AOPEP: variants seen among roughly 807,000 people sequenced by gnomAD.
AOPEP encodes aminopeptidase O.
In AOPEP, 77 loss-of-function variants were observed where a neutral mutation model predicts 98.1. The ratio of observed to expected loss-of-function variants is 0.78; its 90% CI spans 0.65 to 0.95. The LOEUF (loss-of-function observed/expected upper bound fraction) is 0.95. AOPEP is among the 40% of genes least tolerant of loss of function. The pLI, the probability that AOPEP is intolerant of heterozygous loss-of-function variation, is 0.00. For synonymous variants in AOPEP, 346 were observed against 365.3 expected, an observed-to-expected ratio of 0.95 and a Z score of 0.60; for missense variants, 1,024 against 1,024.7, an observed-to-expected ratio of 1.00 and a Z score of 0.01.
At chr9:94,859,738 T>G (rs983359639) in intron 5 of AOPEP, among the ~76,000 whole-genome samples, 1 of 152,250 alleles carries the variant, frequency 6.6e-6, no homozygotes, top group African/African-American at 2.4e-5. Flanking sequence ...TCAGCTAACC[T>G]GTGTTGGAAT....
chr9:94,856,874 G>A (rs148129723), intron 5 of AOPEP, among the ~76,000 whole-genome samples: 2 of 152,278 alleles, frequency 1.3e-5, no homozygotes, highest in African/African-American at 2.4e-5. Flanking sequence ...CAAAGAGTTC[G>A]CTCATGGCCC....
chr9:94,737,912 G>C (rs547409795), intron 1 of AOPEP, among the ~76,000 whole-genome samples: 4 of 152,162 alleles, frequency 2.6e-5, no homozygotes, highest in Non-Finnish European at 5.9e-5. Flanking sequence ...TGCCATTTTT[G>C]ATCTAGGCTT....
At chr9:95,136,455 G>A in the AOPEP span, among the ~76,000 whole-genome samples, 1 of 151,770 alleles carries the variant, frequency 6.6e-6, no homozygotes, top group Admixed American at 6.6e-5. Context: ...GTGTGATACT[G>A]GATAGGTTAG....
chr9:94,996,788 G>A (rs2061273029), intron 11 of AOPEP, among the ~76,000 whole-genome samples: 1 of 152,190 alleles, frequency 6.6e-6, no homozygotes, highest in African/African-American at 2.4e-5. Flanking sequence ...AGCAATATAT[G>A]TGTGTGTGTT....
chr9:95,093,843 C>T, the AOPEP span, among the ~76,000 whole-genome samples: 2 of 152,198 alleles, frequency 1.3e-5, no homozygotes, highest in Non-Finnish European at 2.9e-5. Flanking sequence ...CTGGGGGCTT[C>T]GTTCAAGTCC....
intron 5 of AOPEP, among the ~76,000 whole-genome samples, chr9:94,885,284 G>A: frequency 7.5e-6 from 1 of 133,426 alleles, no homozygotes; most frequent in South Asian, 2.6e-4. Context: ...GGGAAGTTGA[G>A]GCTATAGTGA....
chr9:94,756,110 A>G (rs1326783499), intron 1 of AOPEP, among the ~76,000 whole-genome samples: 15 of 151,998 alleles, frequency 9.9e-5, no homozygotes, highest in Admixed American at 9.2e-4. Flanking sequence ...ATACAAAAAA[A>G]TTAGCCGGGT....
chr9:94,934,315 C>CTTTTTTTTTTTTTTTTTTTT lies in AOPEP; in HGVS notation c.1661+5803_1661+5804insTTTTTTTTTTTTTTTTTTTT, dbSNP rs974551445. On this transcript the variant is annotated intron_variant, in intron 7 of 16. Transcript: ENST00000375315. ...CTGACTATGCTCACACTTCTCCCAT[C>CTTTTTTTTTTTTTTTTTTTT]TTTTTTTTTTTTTTTTTTTGAGACA... Among the ~76,000 whole-genome samples the CTTTTTTTTTTTTTTTTTTTT allele has an allele frequency of 7.7e-5, 9 of 116,740 alleles. 1 individual carries two copies. The highest frequency in any genetic ancestry group is 3.6e-4 in the African/African-American group (9 of 25,182). The allele number at this position is 116,740 out of a possible 152,430, so 76.6% of individuals were successfully genotyped here. A position where few individuals can be genotyped will look rare whatever the true frequency, so the allele number is the denominator to read the frequency against.
intron 1 of AOPEP, among the ~76,000 whole-genome samples, chr9:94,756,827 TCTTA>T (rs1837167248): frequency 6.6e-6 from 1 of 152,040 alleles, no homozygotes; most frequent in South Asian, 2.1e-4. Context: ...AGGCCTTAAG[TCTTA>T]CCTGAGGGAG....
chr9:94,746,197 T>C (rs1177297117), intron 1 of AOPEP, among the ~76,000 whole-genome samples: 2 of 152,222 alleles, frequency 1.3e-5, no homozygotes, highest in Non-Finnish European at 2.9e-5. Context: ...GCCTTTGCTA[T>C]GGTAGGTAGT....
chr9:94,758,483 A>G (rs1290525562), intron 1 of AOPEP, among the ~76,000 whole-genome samples: 3 of 152,230 alleles, frequency 2.0e-5, no homozygotes, highest in Non-Finnish European at 4.4e-5. Context: ...AGGAAAGGAA[A>G]TAAAAGGGTC....
At chr9:95,147,507 ACT>A in the AOPEP span, among the ~76,000 whole-genome samples, 1 of 152,120 alleles carries the variant, frequency 6.6e-6, no homozygotes, top group Non-Finnish European at 1.5e-5. Context: ...CAAGAGTGAA[ACT>A]CTGTCTCAAA....
At chr9:94,954,934 G>A (rs1488363026) in intron 7 of AOPEP, among the ~76,000 whole-genome samples, 1 of 152,146 alleles carries the variant, frequency 6.6e-6, no homozygotes, top group Non-Finnish European at 1.5e-5. Context: ...TGAGGGTCTG[G>A]CAGACTTTAA....
chr9:95,001,276 G>A (rs773187474), intron 11 of AOPEP, among the ~76,000 whole-genome samples: 2 of 152,196 alleles, frequency 1.3e-5, no homozygotes, highest in African/African-American at 2.4e-5. Context: ...TAAAGCAATG[G>A]TATTTTCCTC....
intron 11 of AOPEP, among the ~76,000 whole-genome samples, chr9:94,987,511 A>G (rs1450645311): frequency 3.9e-5 from 6 of 152,218 alleles, no homozygotes; most frequent in South Asian, 4.1e-4. Context: ...TTCAGCGGGT[A>G]GCATCCCAGC....
At chr9:94,933,392 G>T in intron 7 of AOPEP, 2 of 985,422 alleles carry the variant, frequency 2.0e-6, no homozygotes, top group Non-Finnish European at 2.4e-6. Flanking sequence ...GATTTATTAT[G>T]ACTTCTCTTT....
At chr9:95,008,273 C>T (rs2062191098) in intron 13 of AOPEP, among the ~76,000 whole-genome samples, 1 of 152,140 alleles carries the variant, frequency 6.6e-6, no homozygotes, top group South Asian at 2.1e-4. Context: ...TGAGTAAATT[C>T]GGTGAAGTCA....
chr9:94,943,982 A>G (rs1045842379), intron 7 of AOPEP, among the ~76,000 whole-genome samples: 2 of 152,108 alleles, frequency 1.3e-5, no homozygotes, highest in African/African-American at 4.8e-5. Context: ...TCCAAAGAAA[A>G]TATGCAGATG....
intron 2 of AOPEP, 94 bp downstream of exon 2, chr9:94,760,674 C>T (rs1386925096): frequency 1.3e-5 from 13 of 1,021,222 alleles, no homozygotes; most frequent in African/African-American, 4.8e-5. Context: ...CAGAGATGCT[C>T]CTGTGTCTTC....
Sources: gnomAD v4.1 joint callset for allele counts (sites outside exome capture counted in the v4.1 genomes callset) on GRCh38, gnomAD v4.1.1 for gene constraint, MANE v1.5 for transcripts, NCBI Gene and HGNC (gene_info 2026-07-23, HGNC 2026-07-21) for gene names.